PIEZO2: variants seen among roughly 807,000 people sequenced by gnomAD.
PIEZO2 encodes piezo-type mechanosensitive ion channel component 2.
Under a neutral mutation model 337.3 loss-of-function variants are expected in PIEZO2, and 172 were observed. That is an observed-to-expected ratio of 0.51 (90% CI 0.45 to 0.58). The LOEUF (loss-of-function observed/expected upper bound fraction) is 0.58. PIEZO2 is among the 20% of genes least tolerant of loss of function. The pLI, the probability that PIEZO2 is intolerant of heterozygous loss-of-function variation, is 0.00. For missense variants in PIEZO2, 3,028 were observed against 3,391.3 expected, an observed-to-expected ratio of 0.89 and a Z score of 2.66; for synonymous variants, 1,251 against 1,228.5, an observed-to-expected ratio of 1.02 and a Z score of -0.38.
chr18:11,048,496 A>C lies in PIEZO2; in HGVS notation c.160+17631T>G, dbSNP rs1196949659. ...AATACTAAAAGGCAGCTTAAAGCACAGTAATTGTCTACTTACATGTTGGAA... is the reference window on the plus strand; with the variant it reads ...AATACTAAAAGGCAGCTTAAAGCACCGTAATTGTCTACTTACATGTTGGAA... On this transcript the variant is annotated intron_variant, in intron 2 of 55. Coordinates refer to ENST00000674853, the MANE Select transcript of PIEZO2 (RefSeq NM_001378183.1). The surrounding 1 kb of genome is among the most constrained non-coding windows in gnomAD (Gnocchi z 4.5). 6.6e-6 allele frequency among the ~76,000 whole-genome samples: 1 copy of C among 152,254 alleles called. No homozygotes were observed. The highest frequency in any genetic ancestry group is 1.9e-4 in the East Asian group (1 of 5,202).
chr18:10,869,666 C>T (rs1476850688), intron 5 of PIEZO2, among the ~76,000 whole-genome samples: 2 of 152,118 alleles, frequency 1.3e-5, no homozygotes, highest in African/African-American at 4.8e-5. Context: ...ATTGGAATGT[C>T]AACAAGAAGA....
Position 10,699,090 on chromosome 18 carries a change from T to A in PIEZO2, c.6529A>T (p.Arg2177Trp), listed in dbSNP as rs1390298587. ...TTGAGAGAATCGGAGGAGTCCCTCC[T>A]GCCATGACCGAGGGAGAGCTCATCA... is the stretch of plus-strand genomic sequence containing the variant. ...SDDELSLGHGRRDSSDSLKSI... is the reference protein window; with the variant it reads ...SDDELSLGHGWRDSSDSLKSI... The change falls in exon 44 of 56, where the codon AGG becomes TGG. Residue 2177 changes from arginine to tryptophan, a missense_variant. This residue lies in a region of PIEZO2 where 1,925 missense variants were observed against 2,051.9 expected (regional missense o/e 0.94). Transcript: ENST00000674853. 1 of 1,537,236 alleles carries A rather than the reference T, an allele frequency of 6.5e-7. No homozygotes were observed. Among genetic ancestry groups the A allele is most frequent in the African/African-American group, 1.4e-5 (1 of 73,154 alleles).
chr18:10,913,045 G>A (rs2030622217), intron 3 of PIEZO2, among the ~76,000 whole-genome samples: 1 of 151,804 alleles, frequency 6.6e-6, no homozygotes, highest in African/African-American at 2.4e-5. Flanking sequence ...GGTCCCATGT[G>A]AATGTCTTCT....
intron 2 of PIEZO2, among the ~76,000 whole-genome samples, chr18:10,992,194 G>C (rs943947814): frequency 6.6e-6 from 1 of 152,160 alleles, no homozygotes; most frequent in Non-Finnish European, 1.5e-5. Flanking sequence ...TGTTCACTCT[G>C]ATGATAGTTT....
At chr18:10,687,437 T>C (rs2034595867) in intron 49 of PIEZO2, among the ~76,000 whole-genome samples, 1 of 152,126 alleles carries the variant, frequency 6.6e-6, no homozygotes, top group African/African-American at 2.4e-5. Flanking sequence ...ATTGTATGTT[T>C]GGGTCACCAC....
At chr18:11,020,400 G>C (rs528779577) in intron 2 of PIEZO2, among the ~76,000 whole-genome samples, 101 of 152,100 alleles carry the variant, frequency 6.6e-4, no homozygotes, top group Middle Eastern at 3.4e-3. Flanking sequence ...TTGGCACCTG[G>C]GGTACAATTA....
Position 10,855,820 on chromosome 18 carries a change from G to A in PIEZO2, c.704-254C>T, listed in dbSNP as rs751222324. On this transcript the variant is annotated intron_variant, in intron 6 of 55. Transcript: ENST00000674853. The surrounding 1 kb of genome is among the most constrained non-coding windows in gnomAD (Gnocchi z 4.9). ...TGATTAAAAAAATTCCACCTGTGGC[G>A]TCTGAACTAAGTAAATGTCTACTTT... Among the ~76,000 whole-genome samples the A allele has an allele frequency of 2.2e-4, 34 of 152,154 alleles. No individual in the cohort carries two copies. The highest frequency in any genetic ancestry group is 3.4e-4 in the Non-Finnish European group (23 of 68,010).
chr18:10,774,387 T>C (rs2038714237), intron 18 of PIEZO2, among the ~76,000 whole-genome samples: 1 of 152,216 alleles, frequency 6.6e-6, no homozygotes. Context: ...TTTAAAAATT[T>C]CTTGAAAGAA....
At chr18:11,004,776 G>A (rs1419393125) in intron 2 of PIEZO2, among the ~76,000 whole-genome samples, 1 of 152,194 alleles carries the variant, frequency 6.6e-6, no homozygotes, top group African/African-American at 2.4e-5. Flanking sequence ...TTCCTAAAGT[G>A]AATTGTCATG....
intron 3 of PIEZO2, among the ~76,000 whole-genome samples, chr18:10,948,619 C>T (rs986432029): frequency 3.9e-5 from 6 of 152,092 alleles, no homozygotes; most frequent in African/African-American, 7.2e-5. Context: ...TAGAGATACG[C>T]GCTCGAGTGC....
At chr18:11,088,046 C>T (rs900527514) in intron 1 of PIEZO2, among the ~76,000 whole-genome samples, 1 of 152,256 alleles carries the variant, frequency 6.6e-6, no homozygotes, top group African/African-American at 2.4e-5. Context: ...CTGAGGGAGG[C>T]ACTTCCTTGT....
In PIEZO2 at chr18:10,952,891, C is replaced by T. The variant is rs2033361864; in HGVS notation, c.286+26644G>A. Among the ~76,000 whole-genome samples the T allele has an allele frequency of 6.7e-6, 1 of 150,072 alleles. No homozygotes were observed. The highest frequency in any genetic ancestry group is 6.7e-5 in the Admixed American group (1 of 14,878). Reference sequence around the variant, plus strand: ...CCTTCCTTCCTTCCTTCCTTTCATCCCTCCCTCCATCCCTCCCTCCCTCCT... The same window carrying T: ...CCTTCCTTCCTTCCTTCCTTTCATCTCTCCCTCCATCCCTCCCTCCCTCCT... On this transcript the variant is annotated intron_variant, in intron 3 of 55. Transcript: ENST00000674853. This position sits in a 1 kb window ranked among gnomAD's most constrained non-coding sequence, Gnocchi z 4.1.
In PIEZO2 at chr18:11,148,531, C is replaced by T. The variant is rs2040867671; in HGVS notation, c.58G>A (p.Ala20Thr). ...GAAAGCGGACCAGACTCACCTACTG[C>T]CAGGCAGATGGGCAGCAGCAGCCTG... ...IFRLLLPICLAVACAFRYNGL... is the reference protein window; with the variant it reads ...IFRLLLPICLTVACAFRYNGL... The change falls in exon 1 of 56, where the codon GCA becomes ACA. Residue 20 changes from alanine to threonine, a missense_variant. Ala to Thr is a moderately conservative substitution (Grantham distance 58, BLOSUM62 0). Around this residue, in one of 5 missense-constraint regions of PIEZO2, gnomAD observed 542 missense variants for 605.6 expected, o/e 0.89. Transcript: ENST00000674853. The surrounding 1 kb of genome is among the most constrained non-coding windows in gnomAD (Gnocchi z 5.2). 1.3e-6 allele frequency: 2 copies of T among 1,537,124 alleles called. No homozygotes were observed. Among genetic ancestry groups the T allele is most frequent in the African/African-American group, 1.4e-5 (1 of 73,066 alleles).
chr18:10,964,609 T>G (rs1301976325), intron 3 of PIEZO2, among the ~76,000 whole-genome samples: 3 of 152,224 alleles, frequency 2.0e-5, no homozygotes, highest in Admixed American at 6.5e-5. Flanking sequence ...TATCAAACAA[T>G]TAACCATTTG....
rs188549705 is a variant in PIEZO2, at chr18:10,684,947, A to G, written c.7498-2655T>C. On this transcript the variant is annotated intron_variant, in intron 49 of 55. Transcript: ENST00000674853. ...CGGTGTCGTGATCATGGCTCATGGC[A>G]GCCGCTGGTAACTCAGCTCCTCACT... is the stretch of plus-strand genomic sequence containing the variant. Among the ~76,000 whole-genome samples, 24 of 152,198 alleles carry G rather than the reference A, an allele frequency of 1.6e-4. No homozygotes were observed. In the East Asian group the frequency reaches 4.7e-3, roughly 30 times the overall value.
chr18:11,009,059 T>C lies in PIEZO2; in HGVS notation c.161-29399A>G, dbSNP rs1046451136. Among the ~76,000 whole-genome samples, 6 of 152,360 alleles carry C rather than the reference T, an allele frequency of 3.9e-5. No individual in the cohort carries two copies. The East Asian group carries it at 9.6e-4, about 24-fold the overall frequency. ...GTACTGTCTTGAAGATTGAATTCTG[T>C]TACTTAACTACGTACGTGATTGTGT... On this transcript the variant is annotated intron_variant, in intron 2 of 55. Transcript: ENST00000674853. This position sits in a 1 kb window ranked among gnomAD's most constrained non-coding sequence, Gnocchi z 4.6.
Position 10,789,219 on chromosome 18 carries a change from T to A in PIEZO2, c.2029A>T (p.Asn677Tyr), listed in dbSNP as rs1462222304. The A allele has an allele frequency of 3.9e-6, 6 of 1,537,212 alleles. No individual in the cohort carries two copies. In the Admixed American group the frequency reaches 1.2e-4, roughly 30 times the overall value. ...TTGATGAACATGGCCACCACCAGAT[T>A]GCCCAGGACTTTCATGATGTCCTGC... Reference protein sequence around the residue: ...DEQDIMKVLGNLVVAMFIKYW... With the variant: ...DEQDIMKVLGYLVVAMFIKYW... The change falls in exon 15 of 56, where the codon AAT becomes TAT. Residue 677 changes from asparagine to tyrosine, a missense_variant. Transcript: ENST00000674853.
At chr18:10,884,092 T>C (rs575433171) in intron 4 of PIEZO2, among the ~76,000 whole-genome samples, 25 of 152,324 alleles carry the variant, frequency 1.6e-4, no homozygotes, top group African/African-American at 6.0e-4. Context: ...ATTACAGGCG[T>C]AAGCCACCGC....
chr18:11,031,562 ATGC>A lies in PIEZO2; in HGVS notation c.160+34562_160+34564del, dbSNP rs2036739421. 6.6e-6 allele frequency among the ~76,000 whole-genome samples: 1 copy of A among 152,206 alleles called. No individual in the cohort carries two copies. Among genetic ancestry groups the A allele is most frequent in the Admixed American group, 6.5e-5 (1 of 15,280 alleles). On this transcript the variant is annotated intron_variant, in intron 2 of 55. Coordinates refer to ENST00000674853, the MANE Select transcript of PIEZO2 (RefSeq NM_001378183.1). The surrounding 1 kb of genome is among the most constrained non-coding windows in gnomAD (Gnocchi z 4.7). ...TCTTCACAGAGATGATATTCAAATT[ATGC>A]TTTTAAAACATTTTTATAATTACCC...
Sources: gnomAD v4.1 joint callset for allele counts (sites outside exome capture counted in the v4.1 genomes callset) on GRCh38, gnomAD v4.1.1 for gene constraint, gnomAD v4.1.1 regional missense constraint, Gnocchi (gnomAD v3.1) non-coding constraint, MANE v1.5 for transcripts, NCBI Gene and HGNC (gene_info 2026-07-23, HGNC 2026-07-21) for gene names.